The following RYR3 variants were observed in gnomAD, a reference collection of about 807,000 sequenced individuals.
RYR3 encodes the protein brain ryanodine receptor-calcium release channel.
Under a neutral mutation model 584.3 loss-of-function variants are expected in RYR3, and 207 were observed. The observed-to-expected ratio is 0.35, with a 90% CI of 0.32 to 0.40. The LOEUF is 0.40. Among genes scored for constraint, RYR3 ranks in the 10% least tolerant of loss-of-function variants. The probability of loss-of-function intolerance (pLI) is 1.00; values close to 1 mark genes in which losing one functional copy is unlikely to be tolerated. For missense variants in RYR3, 5,616 were observed against 6,089.2 expected, an observed-to-expected ratio of 0.92 and a Z score of 2.59; for synonymous variants, 2,416 against 2,248.5, an observed-to-expected ratio of 1.07 and a Z score of -2.11.
chr15:33,383,559 T>G (rs949867564), intron 1 of RYR3, among the ~76,000 whole-genome samples: 1 of 152,082 alleles, frequency 6.6e-6, no homozygotes, highest in African/African-American at 2.4e-5. Context: ...TGTGACCATT[T>G]TGTTTTTAAT....
chr15:33,552,812 G>C (rs762427524), intron 10 of RYR3, among the ~76,000 whole-genome samples: 1 of 152,148 alleles, frequency 6.6e-6, no homozygotes, highest in African/African-American at 2.4e-5. Context: ...CGGTAGAAAG[G>C]CCCTGATTTT....
chr15:33,802,406 A>G (rs1463681336), intron 69 of RYR3, among the ~76,000 whole-genome samples: 2 of 152,188 alleles, frequency 1.3e-5, no homozygotes, highest in African/African-American at 4.8e-5. Flanking sequence ...GTAATATCCA[A>G]TACCTGTTTT....
intron 1 of RYR3, among the ~76,000 whole-genome samples, chr15:33,345,373 G>T (rs1305584593): frequency 6.6e-6 from 1 of 152,004 alleles, no homozygotes; most frequent in African/African-American, 2.4e-5. Context: ...TTTGAAACAG[G>T]TTCTCCCTTT....
Position 33,623,986 on chromosome 15 carries a change from A to G in RYR3, c.2537A>G (p.Gln846Arg). 1 of 1,613,958 alleles carries G rather than the reference A, an allele frequency of 6.2e-7. No homozygotes were observed. Among genetic ancestry groups the G allele is most frequent in the Non-Finnish European group, 8.5e-7 (1 of 1,179,844 alleles). ...DLLGTTQFLS[Q>R]ASFIPCPVDT... ...TTGGGTACCACCCAGTTCCTCTCCC[A>G]AGCCTCTTTCATCCCATGCCCCGTA... Residue 846 changes from glutamine to arginine, a missense_variant, in exon 20 of 104, where the codon CAA becomes CGA. Gln to Arg is a conservative substitution (Grantham distance 43). Transcript: ENST00000634891.
At chr15:33,465,723 C>T (rs2048428772) in intron 1 of RYR3, 1 of 518,834 alleles carries the variant, frequency 1.9e-6, no homozygotes, top group African/African-American at 1.9e-5. Context: ...ATAGTTGTGA[C>T]AAGAGATGAT....
intron 19 of RYR3, among the ~76,000 whole-genome samples, chr15:33,616,358 G>A (rs1039977839): frequency 1.3e-5 from 2 of 152,132 alleles, no homozygotes; most frequent in Non-Finnish European, 2.9e-5. Context: ...TTGTGTCTGT[G>A]ATTTTTTAGA....
intron 1 of RYR3, among the ~76,000 whole-genome samples, chr15:33,376,003 A>G (rs967624394): frequency 1.3e-4 from 20 of 152,230 alleles, no homozygotes; most frequent in Non-Finnish European, 1.9e-4. Flanking sequence ...GGCGGAGCTT[A>G]CAGTGAGCCG....
At chr15:33,863,613 G>C (rs1001270402) in intron 102 of RYR3, among the ~76,000 whole-genome samples, 1 of 152,158 alleles carries the variant, frequency 6.6e-6, no homozygotes, top group Non-Finnish European at 1.5e-5. Context: ...GGATCACAGA[G>C]CAAGTGAAAC....
chr15:33,854,539 C>A, intron 97 of RYR3, 90 bp downstream of exon 97: 1 of 1,171,558 alleles, frequency 8.5e-7, no homozygotes, highest in Non-Finnish European at 1.2e-6. Flanking sequence ...CAGAAGGGTT[C>A]AGGGATTGCT....
chr15:33,710,704 G>C (rs2067047558), intron 43 of RYR3, among the ~76,000 whole-genome samples: 1 of 152,206 alleles, frequency 6.6e-6, no homozygotes, highest in Admixed American at 6.5e-5. Flanking sequence ...GGTGGAAGCT[G>C]ACAAGTGTTC....
At chr15:33,347,828 G>A (rs1169300691) in intron 1 of RYR3, among the ~76,000 whole-genome samples, 1 of 151,942 alleles carries the variant, frequency 6.6e-6, no homozygotes, top group Non-Finnish European at 1.5e-5. Context: ...GGCTCATCTT[G>A]TATATTTTCT....
intron 1 of RYR3, among the ~76,000 whole-genome samples, chr15:33,392,044 A>C (rs12905185): frequency 6.6e-6 from 1 of 152,006 alleles, no homozygotes; most frequent in Non-Finnish European, 1.5e-5. Flanking sequence ...TTTATTCTGC[A>C]CTTTGTTTTC....
Position 33,538,632 on chromosome 15 carries a change from C to G in RYR3, c.434-718C>G, listed in dbSNP as rs143370959. ...GGAAAGGCATCAGGGATTTGAATGTCCTTTTCAACCTTTCCACCAGTCCCG... is the reference window on the plus strand; with the variant it reads ...GGAAAGGCATCAGGGATTTGAATGTGCTTTTCAACCTTTCCACCAGTCCCG... On this transcript the variant is annotated intron_variant, in intron 5 of 103. Transcript: ENST00000634891. Among the ~76,000 whole-genome samples, 1,336 of 152,260 alleles carry G rather than the reference C, an allele frequency of 8.8e-3. 23 individuals carry two copies. Among genetic ancestry groups the G allele is most frequent in the African/African-American group, 0.03 (1,256 of 41,538 alleles).
chr15:33,337,290 AGAC>A (rs1397945820), intron 1 of RYR3, among the ~76,000 whole-genome samples: 2 of 152,150 alleles, frequency 1.3e-5, no homozygotes, highest in Admixed American at 1.3e-4. Flanking sequence ...ACAAAGAAGA[AGAC>A]AATTAGAATG....
Position 33,311,613 on chromosome 15 carries a change from G to T in RYR3, c.51+517G>T, listed in dbSNP as rs1345576363. ...GTCGGAGAAGCGGGCGCAGGCGCTT[G>T]GTCCTAGCCCTGGGATCGCTCGGAG... On this transcript the variant is annotated intron_variant, in intron 1 of 103. Transcript: ENST00000634891. This position sits in a 1 kb window ranked among gnomAD's most constrained non-coding sequence, Gnocchi z 4.4. Among the ~76,000 whole-genome samples the T allele has an allele frequency of 1.3e-5, 2 of 152,200 alleles. No homozygotes were observed. The highest frequency in any genetic ancestry group is 2.9e-5 in the Non-Finnish European group (2 of 68,032).
rs570164808 is a variant in RYR3 at position 33,435,162 on chromosome 15, T to C, written c.52-38257T>C. 5.3e-5 allele frequency among the ~76,000 whole-genome samples: 8 copies of C among 152,150 alleles called. No individual in the cohort carries two copies. The South Asian group carries it at 8.3e-4, about 16-fold the overall frequency. On this transcript the variant is annotated intron_variant, in intron 1 of 103. Transcript: ENST00000634891. Reference sequence around the variant, plus strand: ...AGGGGTACATGTGCAGGTTTGTTATTATAGGTAAATTTGTATCACTAGGGC... The same window carrying C: ...AGGGGTACATGTGCAGGTTTGTTATCATAGGTAAATTTGTATCACTAGGGC...
intron 1 of RYR3, among the ~76,000 whole-genome samples, chr15:33,329,730 G>A (rs1375602245): frequency 1.3e-5 from 2 of 152,158 alleles, no homozygotes; most frequent in Non-Finnish European, 2.9e-5. Flanking sequence ...ATTTGACAAA[G>A]GATAGTCTAT....
intron 94 of RYR3, chr15:33,852,060 G>A (rs1235089268): frequency 0.017 from 54 of 3,120 alleles, no homozygotes; most frequent in Admixed American, 0.026. Flanking sequence ...GGGGAGAGGC[G>A]GCATGAGAGG....
chr15:33,398,924 G>A (rs1167456805), intron 1 of RYR3, among the ~76,000 whole-genome samples: 5 of 152,306 alleles, frequency 3.3e-5, no homozygotes, highest in East Asian at 3.9e-4. Flanking sequence ...AGGGCGTGCC[G>A]AGAATGAGCC....
Sources: gnomAD v4.1 joint callset for allele counts (sites outside exome capture counted in the v4.1 genomes callset) on GRCh38, gnomAD v4.1.1 for gene constraint, Gnocchi (gnomAD v3.1) non-coding constraint, MANE v1.5 for transcripts, NCBI Gene and HGNC (gene_info 2026-07-23, HGNC 2026-07-21) for gene names.